ZBTB7C: variants seen among roughly 807,000 people sequenced by gnomAD.
The protein encoded by ZBTB7C is zinc finger and BTB domain containing 7C.
In ZBTB7C, 8 loss-of-function variants were observed where a neutral mutation model predicts 25.7. The ratio of observed to expected loss-of-function variants is 0.31; its 90% confidence interval spans 0.18 to 0.56. ZBTB7C has a LOEUF of 0.56. ZBTB7C is among the 20% of genes least tolerant of loss of function. The pLI is 0.91. For synonymous variants in ZBTB7C, 394 were observed against 369.0 expected (o/e 1.07, Z -0.78); for missense variants, 824 against 855.2 (o/e 0.96, Z 0.46).
chr18:48,399,604 C>T (rs936308178), intron 1 of ZBTB7C, among the ~76,000 whole-genome samples: 10 of 152,188 alleles, frequency 6.6e-5, no homozygotes, highest in Non-Finnish European at 1.5e-5. Flanking sequence ...GAGAGCAGGA[C>T]AGCCTTCCTG....
At chr18:48,268,982 A>G (rs2044396011) in intron 2 of ZBTB7C, among the ~76,000 whole-genome samples, 1 of 124,050 alleles carries the variant, frequency 8.1e-6, no homozygotes, top group Admixed American at 9.2e-5. Flanking sequence ...TTTTTTTGAG[A>G]CAGGGTCTTG....
rs182504377 is a variant in ZBTB7C, at chr18:48,068,213, A to G, written c.-16-27090T>C. Among the ~76,000 whole-genome samples, 1,012 of 143,746 alleles carry G rather than the reference A, an allele frequency of 7.0e-3. 14 individuals carry two copies. Among genetic ancestry groups the G allele is most frequent in the African/African-American group, 0.025 (974 of 38,498 alleles). 94.3% of individuals were successfully genotyped at this position (143,746 alleles called of 152,430 possible). A position where few individuals can be genotyped will look rare whatever the true frequency, so the allele number is the denominator to read the frequency against. ...AAGTGCAGTGGTGCAACCTCGGCTC[A>G]CTGCAGGCTCCGCCTCCCGGGTTCA... On this transcript the variant is annotated intron_variant, in intron 3 of 4. Transcript: ENST00000590800.
chr18:48,306,854 A>G (rs2045687277), intron 2 of ZBTB7C, among the ~76,000 whole-genome samples: 1 of 152,152 alleles, frequency 6.6e-6, no homozygotes, highest in African/African-American at 2.4e-5. Context: ...ATTATCCCCA[A>G]AGGAAAAATA....
At chr18:48,089,693 G>A (rs1025875076) in intron 3 of ZBTB7C, among the ~76,000 whole-genome samples, 2 of 152,148 alleles carry the variant, frequency 1.3e-5, no homozygotes, top group African/African-American at 4.8e-5. Context: ...TAGCTTCCAG[G>A]TGACACCAGA....
intron 3 of ZBTB7C, among the ~76,000 whole-genome samples, chr18:48,084,769 A>G (rs2038129642): frequency 6.6e-6 from 1 of 152,122 alleles, no homozygotes; most frequent in Non-Finnish European, 1.5e-5. Context: ...GGACCTAGTA[A>G]GTATGTTGAG....
At chr18:48,057,766 A>T (rs9965717) in intron 3 of ZBTB7C, among the ~76,000 whole-genome samples, 2,885 of 152,206 alleles carry the variant, frequency 0.019, 85 homozygotes, top group African/African-American at 0.066. Context: ...TACCCATCTC[A>T]GTTTTTCTGT....
intron 3 of ZBTB7C, among the ~76,000 whole-genome samples, chr18:48,128,697 A>T (rs1348015476): frequency 6.6e-6 from 1 of 151,914 alleles, no homozygotes; most frequent in East Asian, 1.9e-4. Flanking sequence ...GACACTGGAG[A>T]CTCAGAAGGG....
At chr18:48,047,013 C>T (rs563223414) in intron 3 of ZBTB7C, among the ~76,000 whole-genome samples, 23 of 152,272 alleles carry the variant, frequency 1.5e-4, no homozygotes, top group African/African-American at 5.3e-4. Context: ...CCTGGAGAAA[C>T]AGATGTAACC....
chr18:48,359,667 A>G (rs376384278), intron 1 of ZBTB7C, among the ~76,000 whole-genome samples: 68 of 152,334 alleles, frequency 4.5e-4, no homozygotes, highest in African/African-American at 1.3e-3. Flanking sequence ...CTGCGATGTC[A>G]CTTTGTGACT....
intron 2 of ZBTB7C, among the ~76,000 whole-genome samples, chr18:48,318,469 C>T (rs1476045748): frequency 6.6e-6 from 1 of 152,230 alleles, no homozygotes; most frequent in East Asian, 1.9e-4. Flanking sequence ...CCCTTGCAGA[C>T]CCATGCTGCC....
chr18:48,397,331 T>A (rs1445534422), intron 1 of ZBTB7C, among the ~76,000 whole-genome samples: 3 of 152,210 alleles, frequency 2.0e-5, no homozygotes, highest in Non-Finnish European at 4.4e-5. Flanking sequence ...ATTTCTTCAC[T>A]GAGCTTGGCC....
chr18:48,174,044 A>G (rs969176622), intron 3 of ZBTB7C, among the ~76,000 whole-genome samples: 1 of 152,268 alleles, frequency 6.6e-6, no homozygotes, highest in African/African-American at 2.4e-5. Flanking sequence ...CTGTATAGCC[A>G]TTAAAAATTA....
chr18:48,280,618 A>G (rs2044811806), intron 2 of ZBTB7C, among the ~76,000 whole-genome samples: 1 of 152,044 alleles, frequency 6.6e-6, no homozygotes, highest in Admixed American at 6.5e-5. Context: ...AACTCTGACC[A>G]TATTTGAGAA....
intron 2 of ZBTB7C, among the ~76,000 whole-genome samples, chr18:48,336,046 T>C (rs2046450397): frequency 6.6e-6 from 1 of 152,122 alleles, no homozygotes. Flanking sequence ...GAGTCAAGAC[T>C]CTCCAAGCAT....
At chr18:48,153,017 G>C (rs568170635) in intron 3 of ZBTB7C, among the ~76,000 whole-genome samples, 1 of 152,244 alleles carries the variant, frequency 6.6e-6, no homozygotes, top group Non-Finnish European at 1.5e-5. Context: ...CCCAGCTGGG[G>C]CTTCTGGTGC....
intron 3 of ZBTB7C, among the ~76,000 whole-genome samples, chr18:48,159,822 A>G (rs2040946241): frequency 6.6e-6 from 1 of 152,236 alleles, no homozygotes; most frequent in Admixed American, 6.5e-5. Context: ...CCCCAGAGGC[A>G]TGAACATTAG....
rs564921948 is a variant in ZBTB7C, at chr18:48,294,353, AC to A, written c.-79+43820del. 7.0e-3 allele frequency among the ~76,000 whole-genome samples: 1,002 copies of A among 143,824 alleles called. 11 individuals carry two copies. The highest frequency in any genetic ancestry group is 0.025 in the African/African-American group (960 of 38,352). 94.4% of individuals were successfully genotyped at this position (143,824 alleles called of 152,430 possible). A position where few individuals can be genotyped will look rare whatever the true frequency, so the allele number is the denominator to read the frequency against. The stretch of plus-strand genomic sequence containing the variant: ...AATTAAATTAATCCTGCACACCCCC[AC>A]CCCCACTCCCAGGCCCCGTTCCTAG... On this transcript the variant is annotated intron_variant, in intron 2 of 4. Coordinates refer to ENST00000590800, the MANE Select transcript of ZBTB7C (RefSeq NM_001318841.2).
intron 3 of ZBTB7C, among the ~76,000 whole-genome samples, chr18:48,049,187 G>A (rs1371747591): frequency 1.3e-5 from 2 of 152,166 alleles, no homozygotes; most frequent in African/African-American, 2.4e-5. Context: ...CCCCCAACTA[G>A]GTGCAAGCCT....
intron 1 of ZBTB7C, among the ~76,000 whole-genome samples, chr18:48,363,333 G>A (rs916878212): frequency 1.3e-5 from 2 of 152,098 alleles, no homozygotes; most frequent in Admixed American, 6.5e-5. Flanking sequence ...GAGAAGTCCC[G>A]GAGTTGGAAT....
Sources: gnomAD v4.1 joint callset for allele counts (sites outside exome capture counted in the v4.1 genomes callset) on GRCh38, gnomAD v4.1.1 for gene constraint, MANE v1.5 for transcripts, NCBI Gene and HGNC (gene_info 2026-07-23, HGNC 2026-07-21) for gene names.